ZNF805: variants seen among roughly 807,000 people sequenced by gnomAD.
The protein encoded by ZNF805 is CTC-444N24.8.
A neutral mutation model predicts 13.6 loss-of-function variants in ZNF805; 7 were observed. That is an observed-to-expected ratio of 0.51 (90% confidence interval 0.29 to 0.97). ZNF805 has a LOEUF of 0.97. Among genes scored for constraint, ZNF805 ranks in the 50% least tolerant of loss-of-function variants. The pLI, the probability that ZNF805 is intolerant of heterozygous loss-of-function variation, is 0.08. For missense variants in ZNF805, 604 were observed against 771.0 expected, an observed-to-expected ratio of 0.78 and a Z score of 2.57; for synonymous variants, 293 against 279.8, an observed-to-expected ratio of 1.05 and a Z score of -0.47.
In ZNF805 at chr19:57,240,861, C is replaced by G. The variant is rs902501109; in HGVS notation, c.-31C>G. On this transcript the variant is annotated 5_prime_UTR_variant, in exon 1 of 4. Transcript: ENST00000414468. ...CGAGACCCGCCCTGCTCGCCGCAGC[C>G]CCCGCCCCGCTAGGGCCACAGGGTC... The G allele has an allele frequency of 6.5e-7, 1 of 1,547,070 alleles. No homozygotes were observed. Among genetic ancestry groups the G allele is most frequent in the Non-Finnish European group, 8.7e-7 (1 of 1,144,350 alleles).
In ZNF805 at chr19:57,240,885, T is replaced by G; in HGVS notation, c.-7T>G. 2 of 1,553,042 alleles carry G rather than the reference T, an allele frequency of 1.3e-6. No individual in the cohort carries two copies. The highest frequency in any genetic ancestry group is 8.7e-7 in the Non-Finnish European group (1 of 1,148,148). On this transcript the variant is annotated 5_prime_UTR_variant, in exon 1 of 4. Coordinates refer to ENST00000414468, the MANE Select transcript of ZNF805 (RefSeq NM_001023563.4). The stretch of plus-strand genomic sequence containing the variant: ...CCCCCGCCCCGCTAGGGCCACAGGG[T>G]CCCGGTATGGCGATGGCTTTGACGG...
Position 57,256,709 on chromosome 19 carries a change from T to C in ZNF805, c.*2006T>C, listed in dbSNP as rs1426562650. On this transcript the variant is annotated 3_prime_UTR_variant, in exon 4 of 4. Coordinates refer to ENST00000414468, the MANE Select transcript of ZNF805 (RefSeq NM_001023563.4). ...ATGTATCACTTATTATTGTCAGTCTTTGTAGACATATGTCAATTTCATTGA... is the reference window on the plus strand; with the variant it reads ...ATGTATCACTTATTATTGTCAGTCTCTGTAGACATATGTCAATTTCATTGA... Among the ~76,000 whole-genome samples the C allele has an allele frequency of 6.6e-6, 1 of 152,162 alleles. No individual in the cohort carries two copies. The highest frequency in any genetic ancestry group is 1.9e-4 in the East Asian group (1 of 5,198).
intron 3 of ZNF805, among the ~76,000 whole-genome samples, chr19:57,251,552 T>C (rs2087652263): frequency 6.6e-6 from 1 of 152,216 alleles, no homozygotes; most frequent in Admixed American, 6.5e-5. Context: ...GGTATATTCT[T>C]CTAGTTTTTA....
intron 2 of ZNF805, among the ~76,000 whole-genome samples, chr19:57,247,906 A>G (rs961898166): frequency 6.6e-5 from 10 of 152,340 alleles, no homozygotes; most frequent in African/African-American, 2.4e-4. Context: ...GAAATCCTCA[A>G]CTGGAATCCT....
In ZNF805 at chr19:57,254,834, A is replaced by G; in HGVS notation, c.*131A>G. On this transcript the variant is annotated 3_prime_UTR_variant, in exon 4 of 4. Transcript: ENST00000414468. ...CCAGTGGTTATTACGCACTTGGGAA[A>G]ACCTTTAGCTCCATCTTTCTCATTA... is the stretch of plus-strand genomic sequence containing the variant. 1.1e-6 allele frequency: 1 copy of G among 904,544 alleles called. No homozygotes were observed. The highest frequency in any genetic ancestry group is 1.7e-6 in the Non-Finnish European group (1 of 601,948). The allele number at this position is 904,544 out of a possible 1,614,324, so 56.0% of individuals were successfully genotyped here.
chr19:57,258,824 T>G lies in ZNF805; in HGVS notation c.*4121T>G, dbSNP rs1414856159. Among the ~76,000 whole-genome samples the G allele has an allele frequency of 6.6e-6, 1 of 152,240 alleles. No individual in the cohort carries two copies. Among genetic ancestry groups the G allele is most frequent in the Non-Finnish European group, 1.5e-5 (1 of 68,038 alleles). On this transcript the variant is annotated 3_prime_UTR_variant, in exon 4 of 4. Transcript: ENST00000414468. ...TTCTAAGCCACCTTCTATTAACATT[T>G]TCTTTCTGTTTGGCGAACTTGTGTA...
At chr19:57,250,828 G>T (rs1047007720) in intron 3 of ZNF805, among the ~76,000 whole-genome samples, 1 of 152,078 alleles carries the variant, frequency 6.6e-6, no homozygotes, top group Non-Finnish European at 1.5e-5. Flanking sequence ...TTTTCCCCTG[G>T]TGGAAGAGGT....
chr19:57,246,567 G>T (rs561484514), intron 2 of ZNF805, among the ~76,000 whole-genome samples: 2 of 152,208 alleles, frequency 1.3e-5, no homozygotes, highest in African/African-American at 2.4e-5. Context: ...CACGAGGTCA[G>T]TTGATAGCGA....
At chr19:57,243,821 G>A in intron 1 of ZNF805, 102 bp from the exon 2 acceptor site, 1 of 1,523,570 alleles carries the variant, frequency 6.6e-7, no homozygotes, top group Non-Finnish European at 9.0e-7. Context: ...AGGCCCTCAG[G>A]AGGCCCTCAG....
chr19:57,245,594 A>G lies in ZNF805; in HGVS notation c.157+1545A>G, dbSNP rs533189816. On this transcript the variant is annotated intron_variant, in intron 2 of 3. Transcript: ENST00000414468. ...GGAGATAGAGACCATCCTGGCTAACACGGTGCAACCCTGTCTCTACTAAAA... is the reference window on the plus strand; with the variant it reads ...GGAGATAGAGACCATCCTGGCTAACGCGGTGCAACCCTGTCTCTACTAAAA... 1.7e-4 allele frequency among the ~76,000 whole-genome samples: 25 copies of G among 148,342 alleles called. No individual in the cohort carries two copies. The East Asian group carries it at 3.2e-3, about 19-fold the overall frequency.
At chr19:57,243,653 C>T (rs1412061001) in intron 1 of ZNF805, among the ~76,000 whole-genome samples, 4 of 152,156 alleles carry the variant, frequency 2.6e-5, no homozygotes, top group Non-Finnish European at 5.9e-5. Context: ...TCTTTGAGGT[C>T]CTCGAACTCT....
rs754069045 is a variant in ZNF805 at position 57,244,021 on chromosome 19, G to A, written c.129G>A (p.Leu43=). Residue 43 remains leucine (L), a synonymous_variant, in exon 2 of 4, where the codon CTG becomes CTA. Transcript: ENST00000414468. The part of the protein sequence containing the change: ...AQRTLYQEVM[L]ENCGLLVSLG... ...GGACCCTGTACCAGGAGGTGATGCTGGAAAACTGTGGGCTCCTGGTATCTC... is the reference window on the plus strand; with the variant it reads ...GGACCCTGTACCAGGAGGTGATGCTAGAAAACTGTGGGCTCCTGGTATCTC... 6 of 1,613,860 alleles carry A rather than the reference G, an allele frequency of 3.7e-6. No homozygotes were observed. The highest frequency in any genetic ancestry group is 5.1e-6 in the Non-Finnish European group (6 of 1,179,974).
intron 1 of ZNF805, among the ~76,000 whole-genome samples, 192 bp from the exon 2 acceptor site, chr19:57,243,731 A>G (rs1447198496): frequency 1.3e-5 from 2 of 152,182 alleles, no homozygotes; most frequent in East Asian, 1.9e-4. Flanking sequence ...TGGCTCCTAT[A>G]TAGGAGGCTT....
At chr19:57,248,250 C>G (rs897427882) in intron 2 of ZNF805, among the ~76,000 whole-genome samples, 15 of 151,466 alleles carry the variant, frequency 9.9e-5, no homozygotes, top group African/African-American at 3.6e-4. Context: ...AAGATACATA[C>G]CTTGTTCTGA....
Position 57,254,180 on chromosome 19 carries a change from C to A in ZNF805, c.1361C>A (p.Pro454His). Reference protein sequence around the residue: ...LHKRAHTGEKPFECKECGKAF... With the variant: ...LHKRAHTGEKHFECKECGKAF... ...AAAAGGGCCCACACTGGAGAAAAAC[C>A]TTTCGAGTGCAAAGAGTGTGGGAAA... The change falls in exon 4 of 4, where the codon CCT (proline) becomes CAT (histidine). Residue 454 changes from proline to histidine, a missense_variant. Physicochemically the swap from Pro to His is moderately conservative, Grantham distance 77. Around this residue, in one of 3 missense-constraint regions of ZNF805, gnomAD observed 228 missense variants for 352.8 expected, o/e 0.65. Transcript: ENST00000414468. 5 of 1,614,014 alleles carry A rather than the reference C, an allele frequency of 3.1e-6. No individual in the cohort carries two copies. Among genetic ancestry groups the A allele is most frequent in the Non-Finnish European group, 4.2e-6 (5 of 1,180,008 alleles).
chr19:57,249,750 G>A (rs1164933081), intron 3 of ZNF805, among the ~76,000 whole-genome samples: 1 of 150,588 alleles, frequency 6.6e-6, no homozygotes, highest in African/African-American at 2.4e-5. Flanking sequence ...TATATCTCCT[G>A]TTTTCCAAAA....
intron 1 of ZNF805, 24 bp from the exon 2 acceptor site, chr19:57,243,894 AACTCT>A: frequency 6.2e-7 from 1 of 1,614,096 alleles, no homozygotes; most frequent in South Asian, 1.1e-5. Context: ...TCCCACAGCA[AACTCT>A]ACTACCTCTA....
At chr19:57,245,817 A>G (rs1175855285) in intron 2 of ZNF805, among the ~76,000 whole-genome samples, 3 of 151,888 alleles carry the variant, frequency 2.0e-5, no homozygotes, top group African/African-American at 7.3e-5. Flanking sequence ...ATTGACAGCT[A>G]GTGGGTGGAG....
At position 57,253,137 on chromosome 19, in the gene ZNF805, C is replaced by T. The variant is rs561639487; in HGVS notation, c.318C>T (p.Ile106=). ...TTCELALSEG[I]SFWGQLTQGA... ...GTGAGCTAGCCTTGTCTGAAGGAAT[C>T]TCTTTTTGGGGACAACTAACACAAG... The change falls in exon 4 of 4, where the codon ATC becomes ATT. Residue 106 remains isoleucine, a synonymous_variant. Transcript: ENST00000414468. The surrounding 1 kb of genome is among the most constrained non-coding windows in gnomAD (Gnocchi z 4.4). 3.3e-6 allele frequency: 5 copies of T among 1,528,142 alleles called. No homozygotes were observed. In the East Asian group the frequency reaches 1.2e-4, roughly 36 times the overall value. The allele number at this position is 1,528,142 out of a possible 1,614,324, so 94.7% of individuals were successfully genotyped here.
Sources: allele counts gnomAD v4.1 joint callset (sites outside exome capture counted in the v4.1 genomes callset), GRCh38; gene constraint gnomAD v4.1.1; regional missense constraint gnomAD v4.1.1; non-coding constraint Gnocchi (gnomAD v3.1); transcripts MANE v1.5; gene names NCBI Gene and HGNC (gene_info 2026-07-23, HGNC 2026-07-21).